Variants in SAMD5 observed in about 807,000 individuals in gnomAD.
The protein encoded by SAMD5 is sterile alpha motif domain-containing protein 5.
In SAMD5, 13 loss-of-function variants were observed where a neutral mutation model predicts 11.3. That is an observed-to-expected ratio of 1.15 (90% CI 0.75 to 1.83). SAMD5 has a LOEUF of 1.83. Among genes scored for constraint, SAMD5 ranks in the 40% most tolerant of loss-of-function variants. The pLI is 0.00. For missense variants in SAMD5, 255 were observed against 239.1 expected, an observed-to-expected ratio of 1.07 and a Z score of -0.44; for synonymous variants, 129 against 111.3, an observed-to-expected ratio of 1.16 and a Z score of -1.00.
chr6:147,828,033 G>A, the SAMD5 span, among the ~76,000 whole-genome samples: 2 of 151,622 alleles, frequency 1.3e-5, no homozygotes, highest in East Asian at 3.9e-4. Flanking sequence ...TGATCTGCCC[G>A]CCTCGGCCTC....
At chr6:147,724,896 CATGCAGGTAGCTCTGCCTCAAAAAA>C (rs1242597542) in intron 1 of SAMD5, among the ~76,000 whole-genome samples, 8 of 151,888 alleles carry the variant, frequency 5.3e-5, no homozygotes, top group African/African-American at 1.7e-4. Flanking sequence ...TTCAGACAAA[CATGCAGGTAGCTCTGCCTCAAAAAA>C]ACAAAAAAAA....
At chr6:147,621,397 C>G (rs949838637) in intron 1 of SAMD5, among the ~76,000 whole-genome samples, 2 of 152,122 alleles carry the variant, frequency 1.3e-5, no homozygotes, top group African/African-American at 2.4e-5. Flanking sequence ...GAGATGGGAG[C>G]AGGAGAAAGG....
chr6:147,631,126 C>A (rs1790144037), intron 1 of SAMD5, among the ~76,000 whole-genome samples: 1 of 152,018 alleles, frequency 6.6e-6, no homozygotes, highest in African/African-American at 2.4e-5. Flanking sequence ...AGAGATTAAG[C>A]TGAAGGAAGA....
the SAMD5 span, among the ~76,000 whole-genome samples, chr6:147,800,456 C>G: frequency 2.6e-5 from 4 of 152,146 alleles, no homozygotes; most frequent in African/African-American, 9.7e-5. Flanking sequence ...ACTGGGAGAA[C>G]CACTGCTCTC....
At chr6:147,935,143 T>A in the SAMD5 span, among the ~76,000 whole-genome samples, 3 of 152,172 alleles carry the variant, frequency 2.0e-5, no homozygotes, top group African/African-American at 4.8e-5. Flanking sequence ...TTGGAATAGA[T>A]AGACTCAAAC....
chr6:147,879,525 C>T, the SAMD5 span, among the ~76,000 whole-genome samples: 1 of 152,182 alleles, frequency 6.6e-6, no homozygotes, highest in Non-Finnish European at 1.5e-5. Flanking sequence ...GTGCCAATTA[C>T]AGCACGTATG....
intron 1 of SAMD5, among the ~76,000 whole-genome samples, chr6:147,603,329 G>C (rs1789651536): frequency 6.6e-6 from 1 of 152,142 alleles, no homozygotes; most frequent in Admixed American, 6.6e-5. Context: ...TCTGAGCATG[G>C]AGGTATATAT....
At chr6:147,914,780 C>T in the SAMD5 span, among the ~76,000 whole-genome samples, 1 of 152,160 alleles carries the variant, frequency 6.6e-6, no homozygotes, top group South Asian at 2.1e-4. Flanking sequence ...AAAATTATTG[C>T]CATCAATGAG....
chr6:147,861,694 G>T, the SAMD5 span, among the ~76,000 whole-genome samples: 1 of 152,176 alleles, frequency 6.6e-6, no homozygotes. Context: ...TGTTGGACTG[G>T]GAAGGATTTC....
the SAMD5 span, among the ~76,000 whole-genome samples, chr6:147,920,518 A>G: frequency 1.3e-5 from 2 of 152,172 alleles, no homozygotes; most frequent in South Asian, 4.1e-4. Context: ...TGATCGTGTG[A>G]GTCAGTACTC....
intron 1 of SAMD5, among the ~76,000 whole-genome samples, chr6:147,601,591 T>G (rs1269801850): frequency 6.6e-6 from 1 of 152,202 alleles, no homozygotes; most frequent in South Asian, 2.1e-4. Context: ...CACACGTCCA[T>G]GTACACGTCG....
the SAMD5 span, among the ~76,000 whole-genome samples, chr6:147,831,138 TA>T: frequency 1.3e-5 from 2 of 152,178 alleles, no homozygotes; most frequent in East Asian, 1.9e-4. Flanking sequence ...GGTCTTTAAA[TA>T]AACCATAAGT....
At chr6:147,881,774 C>G in the SAMD5 span, among the ~76,000 whole-genome samples, 2 of 152,218 alleles carry the variant, frequency 1.3e-5, no homozygotes, top group Admixed American at 1.3e-4. Flanking sequence ...TTCCTCACTT[C>G]AAGAAGTTAC....
chr6:147,535,055 A>G (rs1239829880), intron 1 of SAMD5, among the ~76,000 whole-genome samples: 2 of 152,218 alleles, frequency 1.3e-5, no homozygotes, highest in Non-Finnish European at 2.9e-5. Flanking sequence ...TCTCAGTTAT[A>G]ATTTTGCAAA....
chr6:147,794,212 A>G, the SAMD5 span, among the ~76,000 whole-genome samples: 2 of 152,196 alleles, frequency 1.3e-5, no homozygotes, highest in African/African-American at 4.8e-5. Flanking sequence ...TAAATATCAC[A>G]CTATACAATG....
At chr6:147,826,667 G>A in the SAMD5 span, among the ~76,000 whole-genome samples, 1 of 152,172 alleles carries the variant, frequency 6.6e-6, no homozygotes, top group Admixed American at 6.5e-5. Flanking sequence ...AATTCTTAAA[G>A]TGGCCCAAGT....
At position 147,557,304 on chromosome 6, in the gene SAMD5, C is replaced by A. The variant is rs113640380; in HGVS notation, c.460-7090C>A. Among the ~76,000 whole-genome samples the A allele has an allele frequency of 4.1e-3, 624 of 152,314 alleles. 3 individuals are homozygous for A. Among genetic ancestry groups the A allele is most frequent in the Middle Eastern group, 6.8e-3 (2 of 294 alleles). ...TTTCTAATAACATTTAAAATTCTAT[C>A]TTTCCTGCAAAGGAGCCTATGTTTT... On this transcript the variant is annotated intron_variant, in intron 1 of 1. Transcript: ENST00000367474.
intron 1 of SAMD5, among the ~76,000 whole-genome samples, chr6:147,532,803 TTCTA>T (rs1293232082): frequency 6.6e-6 from 1 of 152,208 alleles, no homozygotes; most frequent in African/African-American, 2.4e-5. Flanking sequence ...TACATAGCCT[TTCTA>T]TCAGTACGGT....
At chr6:147,840,367 T>G in the SAMD5 span, among the ~76,000 whole-genome samples, 2 of 152,232 alleles carry the variant, frequency 1.3e-5, no homozygotes, top group Non-Finnish European at 2.9e-5. Flanking sequence ...TAACATCTGT[T>G]GCAAGAGCAA....
Sources: allele counts gnomAD v4.1 joint callset (sites outside exome capture counted in the v4.1 genomes callset), GRCh38; gene constraint gnomAD v4.1.1; transcripts MANE v1.5; gene names NCBI Gene and HGNC (gene_info 2026-07-23, HGNC 2026-07-21).